The following UMAD1 variants were observed in gnomAD, a reference collection of about 807,000 sequenced individuals.
UMAD1 encodes the protein UBAP1-MVB12-associated (UMA) domain containing 1.
Under a neutral mutation model 6.1 loss-of-function variants are expected in UMAD1, and 8 were observed. The observed-to-expected ratio is 1.30, with a 90% confidence interval of 0.76 to 2.35. UMAD1 has a LOEUF of 2.35. Among genes scored for constraint, UMAD1 ranks in the 30% most tolerant of loss-of-function variants. UMAD1 has a pLI of 0.00. For missense variants in UMAD1, 130 were observed against 78.4 expected (o/e 1.66, Z -2.49); for synonymous variants, 56 against 31.4 (o/e 1.78, Z -2.61).
chr7:7,713,470 C>T lies in UMAD1; in HGVS notation c.82+40017C>T, dbSNP rs566009133. ...GGGATTTTCATTATGTTCTGCTCCT[C>T]CCCCCCATGGCAATATTGTTTATTT... On this transcript the variant is annotated intron_variant, in intron 2 of 3. Transcript: ENST00000682710. 1.5e-3 allele frequency among the ~76,000 whole-genome samples: 226 copies of T among 151,398 alleles called. 1 individual carries two copies. Among genetic ancestry groups the T allele is most frequent in the African/African-American group, 5.3e-3 (219 of 41,264 alleles).
intron 2 of UMAD1, among the ~76,000 whole-genome samples, chr7:7,706,560 A>G (rs1256791741): frequency 6.6e-6 from 1 of 152,218 alleles, no homozygotes; most frequent in Non-Finnish European, 1.5e-5. Context: ...TAAAATTGGA[A>G]AAAATGAGGA....
intron 3 of UMAD1, among the ~76,000 whole-genome samples, chr7:7,813,323 A>G (rs190989627): frequency 4.0e-5 from 6 of 151,864 alleles, no homozygotes; most frequent in African/African-American, 7.2e-5. Flanking sequence ...TCCTGCCTCA[A>G]CCTCCCAAGT....
chr7:7,795,072 C>T (rs1233433743), intron 2 of UMAD1, among the ~76,000 whole-genome samples: 5 of 152,120 alleles, frequency 3.3e-5, no homozygotes, highest in African/African-American at 1.2e-4. Context: ...TTGAGATATC[C>T]CAACTTTTTA....
At chr7:7,643,576 A>T (rs1319318918) in intron 1 of UMAD1, among the ~76,000 whole-genome samples, 1 of 152,200 alleles carries the variant, frequency 6.6e-6, no homozygotes, top group Non-Finnish European at 1.5e-5. Context: ...TCCAGGCGCG[A>T]TGGCGGGGGC....
intron 3 of UMAD1, among the ~76,000 whole-genome samples, chr7:7,867,330 G>GTGGAAT (rs1784251654): frequency 6.6e-6 from 1 of 152,156 alleles, no homozygotes; most frequent in African/African-American, 2.4e-5. Flanking sequence ...GGGAGTGGAA[G>GTGGAAT]AGTGGAGCAG....
At chr7:7,858,666 T>A (rs553663987) in intron 3 of UMAD1, among the ~76,000 whole-genome samples, 1 of 152,316 alleles carries the variant, frequency 6.6e-6, no homozygotes, top group Admixed American at 6.5e-5. Context: ...CTTCCCTAGT[T>A]CGGCCATCAG....
At chr7:7,675,073 C>T (rs1050860967) in intron 2 of UMAD1, among the ~76,000 whole-genome samples, 3 of 151,928 alleles carry the variant, frequency 2.0e-5, no homozygotes, top group African/African-American at 7.3e-5. Flanking sequence ...CCATGTTGCC[C>T]AGGTTGGTCT....
intron 2 of UMAD1, among the ~76,000 whole-genome samples, chr7:7,719,667 C>T (rs1468762): frequency 0.3 from 44,999 of 152,010 alleles, 6,810 homozygotes; most frequent in African/African-American, 0.37. Flanking sequence ...TTAGTGACTA[C>T]TGTACTTTGC....
chr7:7,845,587 A>C (rs527793623), intron 3 of UMAD1, among the ~76,000 whole-genome samples: 3 of 152,128 alleles, frequency 2.0e-5, no homozygotes, highest in Admixed American at 6.6e-5. Context: ...AGAATTTTTC[A>C]CTGAACTCTT....
rs191105733 is a variant in UMAD1, at chr7:7,677,563, A to C, written c.82+4110A>C. Among the ~76,000 whole-genome samples the C allele has an allele frequency of 2.5e-3, 375 of 151,232 alleles. 1 individual carries two copies. The highest frequency in any genetic ancestry group is 2.1e-3 in the Non-Finnish European group (145 of 67,912). ...TACATGATCTCCTCTAGTACCATCTATGTTGTTGCAAAGGACAGGATTTCA... is the reference window on the plus strand; with the variant it reads ...TACATGATCTCCTCTAGTACCATCTCTGTTGTTGCAAAGGACAGGATTTCA... On this transcript the variant is annotated intron_variant, in intron 2 of 3. Transcript: ENST00000682710.
At chr7:7,720,189 T>TA (rs539118989) in intron 2 of UMAD1, among the ~76,000 whole-genome samples, 148 of 151,932 alleles carry the variant, frequency 9.7e-4, no homozygotes, top group African/African-American at 3.4e-3. Flanking sequence ...TGTAAATAGC[T>TA]AAAAAAAATA....
chr7:7,822,811 C>A lies in UMAD1; in HGVS notation c.156+21068C>A, dbSNP rs1372350764. Among the ~76,000 whole-genome samples, 3 of 151,800 alleles carry A rather than the reference C, an allele frequency of 2.0e-5. No individual in the cohort carries two copies. In the East Asian group the frequency reaches 5.8e-4, roughly 29 times the overall value. On this transcript the variant is annotated intron_variant, in intron 3 of 3. Coordinates refer to ENST00000682710, the MANE Select transcript of UMAD1 (RefSeq NM_001302348.2). The stretch of plus-strand genomic sequence containing the variant: ...AATTGAAGACATATTAGTAAGACTT[C>A]TATGAAGACGAAAAACTTTTTTTTT...
intron 3 of UMAD1, among the ~76,000 whole-genome samples, chr7:7,847,094 AAAAAAAAAAAATAT>A (rs1489865202): frequency 4.7e-5 from 2 of 42,718 alleles, no homozygotes; most frequent in African/African-American, 1.7e-4. Flanking sequence ...ATGCAAAAAA[AAAAAAAAAAAATAT>A]ATATATATAT....
intron 3 of UMAD1, among the ~76,000 whole-genome samples, chr7:7,837,375 A>G (rs982202715): frequency 6.6e-6 from 1 of 152,164 alleles, no homozygotes; most frequent in African/African-American, 2.4e-5. Context: ...GGAATGACGA[A>G]CTAAGAAAGT....
At chr7:7,710,076 C>A (rs1780714936) in intron 2 of UMAD1, among the ~76,000 whole-genome samples, 1 of 152,192 alleles carries the variant, frequency 6.6e-6, no homozygotes. Context: ...TTGCCTCTCT[C>A]ACTCAGTATC....
chr7:7,839,726 TG>T lies in UMAD1; in HGVS notation c.157-37553del, dbSNP rs547923288. ...CAATGCAATCTACAAATGAGTGGTT[TG>T]GCCTTAGGGTCAAGTTGACAAGTTT... On this transcript the variant is annotated intron_variant, in intron 3 of 3. Transcript: ENST00000682710. Among the ~76,000 whole-genome samples the T allele has an allele frequency of 1.1e-3, 167 of 152,314 alleles. 2 individuals are homozygous for T. The highest frequency in any genetic ancestry group is 1.8e-4 in the Non-Finnish European group (12 of 68,018).
chr7:7,772,940 A>ATT (rs35327350), intron 2 of UMAD1, among the ~76,000 whole-genome samples: 8 of 151,616 alleles, frequency 5.3e-5, no homozygotes, highest in Non-Finnish European at 1.2e-4. Flanking sequence ...AAATTTATTC[A>ATT]TTTTTTTCTT....
intron 2 of UMAD1, among the ~76,000 whole-genome samples, chr7:7,767,639 T>C (rs1479797105): frequency 6.6e-6 from 1 of 152,188 alleles, no homozygotes; most frequent in East Asian, 1.9e-4. Flanking sequence ...CAATAACCGT[T>C]ACCACTCACA....
At chr7:7,643,863 C>T (rs1326225780) in intron 1 of UMAD1, among the ~76,000 whole-genome samples, 6 of 152,104 alleles carry the variant, frequency 3.9e-5, no homozygotes, top group Admixed American at 1.3e-4. Context: ...AGTAAACTTC[C>T]ATTCCTGCTC....
Sources: gnomAD v4.1 joint callset for allele counts (sites outside exome capture counted in the v4.1 genomes callset) on GRCh38, gnomAD v4.1.1 for gene constraint, MANE v1.5 for transcripts, NCBI Gene and HGNC (gene_info 2026-07-23, HGNC 2026-07-21) for gene names.